The following PLCE1 variants were observed in gnomAD, a reference collection of about 807,000 sequenced individuals.
PLCE1 encodes the protein phospholipase C epsilon 1.
A neutral mutation model predicts 242.8 loss-of-function variants in PLCE1; 119 were observed. The observed-to-expected ratio is 0.49, with a 90% CI of 0.42 to 0.57. The LOEUF is 0.57. PLCE1 is among the 20% of genes least tolerant of loss of function. PLCE1 has a pLI of 0.00. For synonymous variants in PLCE1, 945 were observed against 1,017.4 expected (o/e 0.93, Z 1.35); for missense variants, 2,441 against 2,788.8 (o/e 0.88, Z 2.81).
At chr10:94,258,027 CAGTA>C (rs754948082) in intron 11 of PLCE1, among the ~76,000 whole-genome samples, 118 of 152,278 alleles carry the variant, frequency 7.7e-4, no homozygotes, top group African/African-American at 1.4e-3. Context: ...TGTTGTGAAA[CAGTA>C]AGTCTGTTCT....
chr10:94,149,204 C>G (rs1344567171), intron 3 of PLCE1, among the ~76,000 whole-genome samples: 2 of 152,222 alleles, frequency 1.3e-5, no homozygotes, highest in Non-Finnish European at 2.9e-5. Context: ...ACTCCTCAGT[C>G]AGTGCATTTG....
chr10:94,212,482 T>A (rs1234010455), intron 4 of PLCE1, among the ~76,000 whole-genome samples: 2 of 152,166 alleles, frequency 1.3e-5, no homozygotes, highest in South Asian at 4.1e-4. Flanking sequence ...GGTCTTGATC[T>A]CCTGACCTTG....
At chr10:94,101,540 C>T (rs775183158) in intron 2 of PLCE1, among the ~76,000 whole-genome samples, 32 of 152,200 alleles carry the variant, frequency 2.1e-4, no homozygotes, top group Non-Finnish European at 4.3e-4. Context: ...AAAGGAGAGA[C>T]GTGAGGAAGA....
intron 4 of PLCE1, among the ~76,000 whole-genome samples, chr10:94,175,521 A>G (rs2048102400): frequency 6.6e-6 from 1 of 152,220 alleles, no homozygotes. Flanking sequence ...CATCAGAGTA[A>G]ATAGGGTATC....
chr10:94,147,879 A>G (rs1361121555), intron 3 of PLCE1, among the ~76,000 whole-genome samples: 1 of 152,236 alleles, frequency 6.6e-6, no homozygotes, highest in Non-Finnish European at 1.5e-5. Context: ...CTAGCTAGGG[A>G]TGAAAACAAT....
At position 94,171,425 on chromosome 10, in the gene PLCE1, T is replaced by G. The variant is rs895454088; in HGVS notation, c.1738T>G (p.Ser580Ala). 6.2e-7 allele frequency: 1 copy of G among 1,614,196 alleles called. No homozygotes were observed. Among genetic ancestry groups the G allele is most frequent in the African/African-American group, 1.3e-5 (1 of 75,054 alleles). The change falls in exon 4 of 33, where the codon TCA (serine) becomes GCA (alanine). Residue 580 changes from serine (S) to alanine (A), a missense_variant. Transcript: ENST00000371380. ...CTTGCCCTGCCTCAAAGCATCCATC[T>G]CAGCGTCGATTCTTACCACTCAGAA... ...SSLPCLKASI[S>A]ASILTTQNGE...
At chr10:94,076,129 G>A (rs1388001466) in intron 2 of PLCE1, among the ~76,000 whole-genome samples, 5 of 147,596 alleles carry the variant, frequency 3.4e-5, no homozygotes, top group African/African-American at 1.0e-4. Context: ...GTGTGTGTGC[G>A]TGCGTGTGTG....
intron 20 of PLCE1, among the ~76,000 whole-genome samples, chr10:94,282,462 C>G (rs184601288): frequency 3.9e-4 from 60 of 152,208 alleles, no homozygotes; most frequent in African/African-American, 1.2e-3. Context: ...ATGACAATGA[C>G]AGCACAATTC....
intron 1 of PLCE1, among the ~76,000 whole-genome samples, chr10:94,015,307 G>A (rs909228382): frequency 2.0e-5 from 3 of 152,112 alleles, no homozygotes; most frequent in African/African-American, 7.2e-5. Context: ...GTCATCCATT[G>A]CAGGAAAGCA....
intron 2 of PLCE1, among the ~76,000 whole-genome samples, chr10:94,049,924 T>A (rs1470192363): frequency 6.6e-6 from 1 of 152,362 alleles, no homozygotes; most frequent in Admixed American, 6.5e-5. Context: ...GATTCATCCA[T>A]GTCGCTGGAT....
intron 4 of PLCE1, among the ~76,000 whole-genome samples, chr10:94,189,670 G>GA (rs1486308506): frequency 2.0e-5 from 3 of 152,076 alleles, no homozygotes; most frequent in South Asian, 2.1e-4. Flanking sequence ...GAATATAAGG[G>GA]AAAAATGGCT....
At chr10:94,245,764 G>A (rs764079100) in intron 7 of PLCE1, among the ~76,000 whole-genome samples, 182 bp from the exon 8 acceptor site, 1 of 152,190 alleles carries the variant, frequency 6.6e-6, no homozygotes, top group African/African-American at 2.4e-5. Flanking sequence ...GATTACAGGC[G>A]TAAGCCACCA....
chr10:94,149,418 A>G (rs1420155101), intron 3 of PLCE1, among the ~76,000 whole-genome samples: 1 of 152,206 alleles, frequency 6.6e-6, no homozygotes, highest in African/African-American at 2.4e-5. Flanking sequence ...GCTGCAAGTA[A>G]TAAAAACAAC....
intron 2 of PLCE1, among the ~76,000 whole-genome samples, chr10:94,073,604 C>T (rs1005767867): frequency 1.3e-5 from 2 of 152,182 alleles, no homozygotes; most frequent in Admixed American, 1.3e-4. Flanking sequence ...ATTTCCTCTT[C>T]CCTTCCACTT....
At chr10:94,221,740 AAAGAAGAAGAAG>A (rs556168808) in intron 4 of PLCE1, among the ~76,000 whole-genome samples, 1 of 152,000 alleles carries the variant, frequency 6.6e-6, no homozygotes, top group Non-Finnish European at 1.5e-5. Context: ...GTCTAAAAAA[AAAGAAGAAGAAG>A]AAGAAGAAGA....
intron 4 of PLCE1, among the ~76,000 whole-genome samples, chr10:94,224,065 G>T (rs2049855078): frequency 6.6e-6 from 1 of 151,810 alleles, no homozygotes; most frequent in Non-Finnish European, 1.5e-5. Flanking sequence ...AATAAGAATT[G>T]TCCGTGAGGC....
In PLCE1 at chr10:94,033,606, G is replaced by A. The variant is rs2061605936; in HGVS notation, c.1206+1354G>A. Reference sequence around the variant, plus strand: ...TTTTTTTTCCTCAACCAGATTTCCAGGTCCTCTGAATTCTATCCACAGTCT... The same window carrying A: ...TTTTTTTTCCTCAACCAGATTTCCAAGTCCTCTGAATTCTATCCACAGTCT... On this transcript the variant is annotated intron_variant, in intron 2 of 32. Coordinates refer to ENST00000371380, the MANE Select transcript of PLCE1 (RefSeq NM_016341.4). Among the ~76,000 whole-genome samples, 3 of 151,914 alleles carry A rather than the reference G, an allele frequency of 2.0e-5. No homozygotes were observed. The South Asian group carries it at 6.2e-4, about 32-fold the overall frequency.
At chr10:94,021,028 A>G (rs2061367127) in intron 1 of PLCE1, among the ~76,000 whole-genome samples, 2 of 151,944 alleles carry the variant, frequency 1.3e-5, no homozygotes, top group African/African-American at 4.8e-5. Context: ...ATGGGGTTTC[A>G]CTATGTTGGC....
chr10:94,115,854 C>A (rs916151289), intron 2 of PLCE1, among the ~76,000 whole-genome samples: 1 of 152,166 alleles, frequency 6.6e-6, no homozygotes, highest in African/African-American at 2.4e-5. Context: ...GCTGCCTGAA[C>A]CTCTCTCTTC....
Sources: allele counts gnomAD v4.1 joint callset (sites outside exome capture counted in the v4.1 genomes callset), GRCh38; gene constraint gnomAD v4.1.1; transcripts MANE v1.5; gene names NCBI Gene and HGNC (gene_info 2026-07-23, HGNC 2026-07-21).